The following CCDC178 variants were observed in gnomAD, a reference collection of about 807,000 sequenced individuals.
CCDC178 encodes coiled-coil domain-containing protein 178.
CCDC178 carries 126 observed loss-of-function variants against 117.4 expected under a neutral mutation model. The ratio of observed to expected loss-of-function variants is 1.07; its 90% CI spans 0.93 to 1.24. The LOEUF (loss-of-function observed/expected upper bound fraction) is 1.24. CCDC178 is among the 50% of genes most tolerant of loss of function. The pLI, the probability that CCDC178 is intolerant of heterozygous loss-of-function variation, is 0.00. For missense variants in CCDC178, 1,030 were observed against 986.9 expected, an observed-to-expected ratio of 1.04 and a Z score of -0.59; for synonymous variants, 283 against 313.4, an observed-to-expected ratio of 0.90 and a Z score of 1.02.
intron 20 of CCDC178, among the ~76,000 whole-genome samples, chr18:33,207,280 A>G (rs994236702): frequency 6.6e-6 from 1 of 152,142 alleles, no homozygotes; most frequent in African/African-American, 2.4e-5. Context: ...AAAGTACAAA[A>G]TAGAATTATA....
At chr18:33,263,987 T>C (rs954944369) in intron 14 of CCDC178, among the ~76,000 whole-genome samples, 1 of 151,794 alleles carries the variant, frequency 6.6e-6, no homozygotes, top group Non-Finnish European at 1.5e-5. Flanking sequence ...TAGAAGCAAA[T>C]TACAAAGACT....
chr18:32,995,905 T>TTATCTATATCTATATCTATATCTA (rs139781630), intron 21 of CCDC178, among the ~76,000 whole-genome samples: 37 of 145,728 alleles, frequency 2.5e-4, no homozygotes, highest in South Asian at 4.4e-4. Flanking sequence ...TCCTACAATT[T>TTATCTATATCTATATCTATATCTA]TATCTATATC....
At chr18:33,376,458 T>C (rs1037389578) in intron 5 of CCDC178, among the ~76,000 whole-genome samples, 9 of 152,210 alleles carry the variant, frequency 5.9e-5, no homozygotes, top group Admixed American at 6.5e-5. Flanking sequence ...AATTTTGACT[T>C]TCATTTTAGA....
intron 15 of CCDC178, among the ~76,000 whole-genome samples, chr18:33,227,640 T>C (rs980556213): frequency 6.6e-6 from 1 of 150,428 alleles, no homozygotes; most frequent in Non-Finnish European, 1.5e-5. Context: ...GAAATGTCTC[T>C]GATACCCCTA....
At chr18:33,195,396 A>G (rs1428324307) in intron 20 of CCDC178, among the ~76,000 whole-genome samples, 1 of 152,092 alleles carries the variant, frequency 6.6e-6, no homozygotes, top group Non-Finnish European at 1.5e-5. Flanking sequence ...TAGTGATACA[A>G]AAGTTACCCT....
At chr18:33,126,234 G>A (rs977159351) in intron 20 of CCDC178, among the ~76,000 whole-genome samples, 2 of 150,896 alleles carry the variant, frequency 1.3e-5, no homozygotes, top group Non-Finnish European at 1.5e-5. Context: ...TTATATATAC[G>A]TATATATATA....
chr18:33,034,729 G>A (rs1040141297), intron 21 of CCDC178, among the ~76,000 whole-genome samples: 2 of 151,828 alleles, frequency 1.3e-5, no homozygotes, highest in African/African-American at 4.8e-5. Context: ...CCAGATCCTA[G>A]CCTGAAATTT....
At chr18:33,084,926 A>G (rs900394628) in intron 21 of CCDC178, among the ~76,000 whole-genome samples, 15 of 152,154 alleles carry the variant, frequency 9.9e-5, no homozygotes, top group African/African-American at 3.4e-4. Context: ...TTTCTACCGT[A>G]TCATCCTCTG....
chr18:33,397,548 C>T (rs537408251), intron 3 of CCDC178, among the ~76,000 whole-genome samples: 55 of 152,142 alleles, frequency 3.6e-4, no homozygotes, highest in Non-Finnish European at 7.1e-4. Context: ...AAGGTTTAAT[C>T]TAATTTCCAA....
chr18:33,275,837 T>G (rs1343526754), intron 12 of CCDC178, among the ~76,000 whole-genome samples: 1 of 151,914 alleles, frequency 6.6e-6, no homozygotes, highest in African/African-American at 2.4e-5. Flanking sequence ...GATTTCTGTT[T>G]CCTGCACTGT....
rs139674672 is a variant in CCDC178 at position 33,430,136 on chromosome 18, C to A, written c.-23+9826G>T. 9.7e-3 allele frequency among the ~76,000 whole-genome samples: 1,470 copies of A among 152,160 alleles called. 24 individuals carry two copies. The highest frequency in any genetic ancestry group is 0.033 in the African/African-American group (1,373 of 41,534). On this transcript the variant is annotated intron_variant, in intron 2 of 22. Transcript: ENST00000383096. ...AAAAATACTTTTGTTGTTCTAAAATCAAAAAATTGCCACAAAAACTTTACT... is the reference window on the plus strand; with the variant it reads ...AAAAATACTTTTGTTGTTCTAAAATAAAAAAATTGCCACAAAAACTTTACT...
intron 10 of CCDC178, among the ~76,000 whole-genome samples, chr18:33,332,971 C>G (rs2062689096): frequency 6.6e-6 from 1 of 150,568 alleles, no homozygotes; most frequent in South Asian, 2.1e-4. Context: ...ACTAAATATG[C>G]TTAATAATCT....
intron 19 of CCDC178, among the ~76,000 whole-genome samples, chr18:33,213,817 C>T (rs1430090661): frequency 6.6e-6 from 1 of 151,878 alleles, no homozygotes; most frequent in Non-Finnish European, 1.5e-5. Context: ...GCTTTGATTG[C>T]CATTATTTTT....
At chr18:33,385,353 A>G (rs1197604499) in intron 5 of CCDC178, among the ~76,000 whole-genome samples, 1 of 152,166 alleles carries the variant, frequency 6.6e-6, no homozygotes, top group African/African-American at 2.4e-5. Context: ...ACTCAGCTCT[A>G]GACCAAGTGG....
chr18:33,293,024 T>A (rs1568122192), intron 12 of CCDC178, 135 bp downstream of exon 12: 4 of 566,416 alleles, frequency 7.1e-6, no homozygotes, highest in African/African-American at 3.9e-5. Flanking sequence ...TATGCAGCAA[T>A]AGAAAACTAA....
At chr18:33,110,153 G>A (rs970714763) in intron 20 of CCDC178, among the ~76,000 whole-genome samples, 1 of 151,502 alleles carries the variant, frequency 6.6e-6, no homozygotes, top group African/African-American at 2.4e-5. Context: ...TATTTATCAT[G>A]TTGAGCACAA....
chr18:33,201,671 A>G (rs1254891863), intron 20 of CCDC178, among the ~76,000 whole-genome samples: 1 of 152,182 alleles, frequency 6.6e-6, no homozygotes, highest in East Asian at 1.9e-4. Context: ...GGTTGTATTA[A>G]GGTGAAGCTG....
At chr18:33,105,409 A>G (rs1353083753) in intron 20 of CCDC178, among the ~76,000 whole-genome samples, 1 of 151,670 alleles carries the variant, frequency 6.6e-6, no homozygotes. Flanking sequence ...ACATTACTGA[A>G]CAATTTAGTA....
chr18:33,032,242 G>C (rs887389794), intron 21 of CCDC178, among the ~76,000 whole-genome samples: 1 of 151,406 alleles, frequency 6.6e-6, no homozygotes, highest in Non-Finnish European at 1.5e-5. Context: ...GTTTTGTTTT[G>C]GCTAGTCCCA....
Sources: gnomAD v4.1 joint callset for allele counts (sites outside exome capture counted in the v4.1 genomes callset) on GRCh38, gnomAD v4.1.1 for gene constraint, MANE v1.5 for transcripts, NCBI Gene and HGNC (gene_info 2026-07-23, HGNC 2026-07-21) for gene names.